SIRPG: variants seen among roughly 807,000 people sequenced by gnomAD.
SIRPG encodes the protein signal-regulatory protein gamma.
A neutral mutation model predicts 35.7 loss-of-function variants in SIRPG; 38 were observed. That is an observed-to-expected ratio of 1.06 (90% CI 0.82 to 1.40). The LOEUF (loss-of-function observed/expected upper bound fraction) is 1.40, where lower values mean the gene tolerates loss of function less well. Ranked by LOEUF, SIRPG falls within the 40% of genes most tolerant of loss-of-function variation. The pLI, the probability that SIRPG is intolerant of heterozygous loss-of-function variation, is 0.00. For missense variants in SIRPG, 519 were observed against 483.0 expected (o/e 1.07, Z -0.70); for synonymous variants, 215 against 190.4 (o/e 1.13, Z -1.06).
the SIRPG span, chr20:1,670,815 G>A: frequency 5.4e-6 from 1 of 185,718 alleles, no homozygotes; most frequent in Non-Finnish European, 1.1e-5. Flanking sequence ...TGGAGTAAAA[G>A]CCAGAGAGGA....
At chr20:1,659,854 G>A (rs1236174150), upstream of SIRPG, among the ~76,000 whole-genome samples, 1 of 152,188 alleles carries the variant, frequency 6.6e-6, no homozygotes, top group Non-Finnish European at 1.5e-5. Flanking sequence ...CATGCTCCAC[G>A]AGGCCCTGAC....
chr20:1,649,214 T>C lies in SIRPG; in HGVS notation c.268A>G (p.Thr90Ala), dbSNP rs770723293. 4 of 1,614,140 alleles carry C rather than the reference T, an allele frequency of 2.5e-6. No individual in the cohort carries two copies. The highest frequency in any genetic ancestry group is 3.4e-6 in the Non-Finnish European group (4 of 1,180,042). Reference protein sequence around the residue: ...QKEGHFPRVTTVSDLTKRNNM... With the variant: ...QKEGHFPRVTAVSDLTKRNNM... ...TTTCTCTTTGTGAGGTCTGAAACTG[T>C]TGTTACCCTGGGGAAGTGGCCTTCT... The change falls in exon 2 of 6, where the codon ACA becomes GCA. Residue 90 changes from threonine (T) to alanine (A), a missense_variant. Coordinates refer to ENST00000303415, the MANE Select transcript of SIRPG (RefSeq NM_018556.4).
the SIRPG span, among the ~76,000 whole-genome samples, chr20:1,668,305 CAG>C: frequency 7.1e-6 from 1 of 141,142 alleles, no homozygotes; most frequent in Non-Finnish European, 1.5e-5. Context: ...CTTTTTTTGA[CAG>C]AGTCTTGCTC....
the SIRPG span, among the ~76,000 whole-genome samples, chr20:1,683,082 GCCAAAGA>G: frequency 6.6e-6 from 1 of 152,086 alleles, no homozygotes; most frequent in Admixed American, 6.5e-5. Flanking sequence ...TAATATATGG[GCCAAAGA>G]CCTGAATAGA....
chr20:1,637,397 T>C (rs2122456993), intron 2 of SIRPG: 1 of 172,396 alleles, frequency 5.8e-6, no homozygotes, highest in East Asian at 1.9e-4. Flanking sequence ...CCTAATTAAG[T>C]AACCAATTCA....
At chr20:1,641,658 T>C (rs2091853166) in intron 2 of SIRPG, among the ~76,000 whole-genome samples, 1 of 152,198 alleles carries the variant, frequency 6.6e-6, no homozygotes, top group Non-Finnish European at 1.5e-5. Flanking sequence ...TGCTCTTGCT[T>C]CTCTAGATCT....
At chr20:1,660,972 G>T (rs568293076), upstream of SIRPG, among the ~76,000 whole-genome samples, 1 of 152,062 alleles carries the variant, frequency 6.6e-6, no homozygotes, top group African/African-American at 2.4e-5. Flanking sequence ...AGTGTACAAC[G>T]GAGAGAATAA....
chr20:1,636,153 G>C (rs765487280), intron 3 of SIRPG, 35 bp downstream of exon 3: 1 of 1,608,210 alleles, frequency 6.2e-7, no homozygotes, highest in Non-Finnish European at 8.5e-7. Flanking sequence ...TTGACAGCCA[G>C]GTGTGGGCTT....
intron 2 of SIRPG, among the ~76,000 whole-genome samples, chr20:1,644,002 G>C (rs1362107939): frequency 6.6e-6 from 1 of 152,204 alleles, no homozygotes; most frequent in Non-Finnish European, 1.5e-5. Flanking sequence ...GAGCACTCCT[G>C]TGTAGGGTGT....
chr20:1,657,933 CA>C (rs1461919542), upstream of SIRPG, among the ~76,000 whole-genome samples: 1 of 152,194 alleles, frequency 6.6e-6, no homozygotes, highest in Non-Finnish European at 1.5e-5. Context: ...TCAGGATAAT[CA>C]GACAGGGTTA....
the SIRPG span, among the ~76,000 whole-genome samples, chr20:1,674,848 C>T: frequency 3.3e-5 from 5 of 152,164 alleles, no homozygotes; most frequent in Non-Finnish European, 5.9e-5. Flanking sequence ...CTAAAGGAGT[C>T]GTGATGATCA....
the SIRPG span, among the ~76,000 whole-genome samples, chr20:1,678,480 G>GA: frequency 0.12 from 17,637 of 151,946 alleles, 1,152 homozygotes; most frequent in African/African-American, 0.18. Context: ...GAGCAGGTGG[G>GA]AAAAAAATCA....
At chr20:1,644,405 C>G (rs1568731710) in intron 2 of SIRPG, among the ~76,000 whole-genome samples, 1 of 152,228 alleles carries the variant, frequency 6.6e-6, no homozygotes, top group Non-Finnish European at 1.5e-5. Context: ...GCCATCTAGC[C>G]TCCCTGGCTC....
At chr20:1,639,094 T>C (rs2091829257) in intron 2 of SIRPG, among the ~76,000 whole-genome samples, 1 of 152,220 alleles carries the variant, frequency 6.6e-6, no homozygotes, top group Admixed American at 6.5e-5. Context: ...TGTGCATGTG[T>C]CCTCATAGTA....
In SIRPG at chr20:1,649,329, C is replaced by T; in HGVS notation, c.153G>A (p.Leu51=). Reference sequence around the variant, plus strand: ...GAAGCAGGGAGGTCACAGTGCAGTGCAGAGTGGCTGTCTTTCCAACTGTGA... The same window carrying T: ...GAAGCAGGGAGGTCACAGTGCAGTGTAGAGTGGCTGTCTTTCCAACTGTGA... The part of the protein sequence containing the change: ...LLVTVGKTAT[L]HCTVTSLLPV... The change falls in exon 2 of 6, where the codon CTG becomes CTA. Residue 51 remains leucine, a synonymous_variant. Coordinates refer to ENST00000303415, the MANE Select transcript of SIRPG (RefSeq NM_018556.4). The T allele has an allele frequency of 6.2e-7, 1 of 1,614,182 alleles. No individual in the cohort carries two copies. Among genetic ancestry groups the T allele is most frequent in the Non-Finnish European group, 8.5e-7 (1 of 1,180,038 alleles).
intron 2 of SIRPG, chr20:1,646,032 A>G (rs2091895035): frequency 6.6e-6 from 1 of 152,216 alleles, no homozygotes; most frequent in Non-Finnish European, 1.5e-5. Context: ...TCTTTCTCTT[A>G]AAGGAGTTCA....
intron 2 of SIRPG, among the ~76,000 whole-genome samples, chr20:1,643,176 T>C (rs938561626): frequency 1.3e-5 from 2 of 152,218 alleles, no homozygotes; most frequent in African/African-American, 4.8e-5. Flanking sequence ...TCCAATTTGG[T>C]TCCATCCTCC....
intron 1 of SIRPG, 105 bp from the exon 2 acceptor site, chr20:1,649,513 A>T (rs764015641): frequency 2.8e-5 from 29 of 1,033,738 alleles, no homozygotes; most frequent in Non-Finnish European, 3.0e-5. Flanking sequence ...AGGAATCAGG[A>T]GCAGGACTTG....
chr20:1,652,628 T>C (rs943680095), intron 1 of SIRPG, among the ~76,000 whole-genome samples: 7 of 152,212 alleles, frequency 4.6e-5, no homozygotes, highest in Non-Finnish European at 7.3e-5. Context: ...TCTATTTTGA[T>C]GCAGAAAAGC....
Sources: allele counts gnomAD v4.1 joint callset (sites outside exome capture counted in the v4.1 genomes callset), GRCh38; gene constraint gnomAD v4.1.1; transcripts MANE v1.5; gene names NCBI Gene and HGNC (gene_info 2026-07-23, HGNC 2026-07-21).